SLC17A1: variants seen among roughly 807,000 people sequenced by gnomAD.
The protein encoded by SLC17A1 is solute carrier family 17 member 1.
Under a neutral mutation model 53.5 loss-of-function variants are expected in SLC17A1, and 51 were observed. The observed-to-expected ratio is 0.95, with a 90% CI of 0.76 to 1.20. The LOEUF is 1.20. Ranked by LOEUF, SLC17A1 falls within the 50% of genes most tolerant of loss-of-function variation. The pLI is 0.00. For synonymous variants in SLC17A1, 179 were observed against 198.8 expected, an observed-to-expected ratio of 0.90 and a Z score of 0.84; for missense variants, 538 against 568.2, an observed-to-expected ratio of 0.95 and a Z score of 0.54.
Position 25,798,829 on chromosome 6 carries a change from C to T in SLC17A1, c.1360G>A (p.Glu454Lys). 3 of 1,610,424 alleles carry T rather than the reference C, an allele frequency of 1.9e-6. No homozygotes were observed. The highest frequency in any genetic ancestry group is 2.5e-6 in the Non-Finnish European group (3 of 1,177,656). The change falls in exon 12 of 13, where the codon GAA (glutamate) becomes AAA (lysine). Residue 454 changes from glutamate (E) to lysine (K), a missense_variant. By Grantham distance (56) the Glu-to-Lys change is moderately conservative. Coordinates refer to ENST00000244527, the MANE Select transcript of SLC17A1 (RefSeq NM_005074.5). ...LIFYLIVATAEIQDWAKEKQH... is the reference protein window; with the variant it reads ...LIFYLIVATAKIQDWAKEKQH... The stretch of plus-strand genomic sequence containing the variant: ...TTTTCTTTAGCCCAGTCCTGAATTT[C>T]TGCTGTAGCAACTATAAGGTAGAAA...
At chr6:25,744,997 CAT>C in the SLC17A1 span, among the ~76,000 whole-genome samples, 40,910 of 151,760 alleles carry the variant, frequency 0.27, 6,645 homozygotes, top group East Asian at 0.68. Context: ...CATTTTCCTT[CAT>C]TTTTTTTTTG....
the SLC17A1 span, among the ~76,000 whole-genome samples, chr6:25,744,067 G>C: frequency 6.6e-6 from 1 of 152,202 alleles, no homozygotes; most frequent in Non-Finnish European, 1.5e-5. Context: ...GGTGTGGCCA[G>C]CCATGGCTTC....
chr6:25,816,655 T>C (rs1487013270), intron 6 of SLC17A1, among the ~76,000 whole-genome samples: 2 of 152,230 alleles, frequency 1.3e-5, no homozygotes, highest in African/African-American at 4.8e-5. Context: ...ACTAGTCAGA[T>C]GTGAGTTAAG....
chr6:25,726,417 C>G, the SLC17A1 span: 1 of 1,614,152 alleles, frequency 6.2e-7, no homozygotes, highest in South Asian at 1.1e-5. Flanking sequence ...CATAGTTTCC[C>G]TTACGAAGCA....
downstream of SLC17A1, chr6:25,779,227 A>C (rs1403886006): frequency 1.2e-6 from 2 of 1,608,836 alleles, no homozygotes; most frequent in East Asian, 4.5e-5. Flanking sequence ...TGCTTAGTTC[A>C]TCATTGTTTT....
the SLC17A1 span, chr6:25,732,010 C>G: frequency 6.5e-7 from 1 of 1,542,160 alleles, no homozygotes; most frequent in East Asian, 2.3e-5. Context: ...ATTCCAGTGT[C>G]CGCGTGGACC....
chr6:25,759,012 G>C, the SLC17A1 span, among the ~76,000 whole-genome samples: 3 of 152,134 alleles, frequency 2.0e-5, no homozygotes, highest in East Asian at 5.8e-4. Context: ...TTGTCGTTCA[G>C]TTCAAAGAAT....
the SLC17A1 span, among the ~76,000 whole-genome samples, chr6:25,753,438 A>G: frequency 2.0e-5 from 3 of 152,184 alleles, no homozygotes; most frequent in South Asian, 2.1e-4. Flanking sequence ...GATCATATGT[A>G]CATTTCCAAC....
downstream of SLC17A1, chr6:25,780,945 C>A (rs78786104): frequency 2.6e-5 from 4 of 152,186 alleles, no homozygotes; most frequent in Non-Finnish European, 4.4e-5. Flanking sequence ...ACACAGATAG[C>A]AATTATATCC....
chr6:25,726,461 C>G, the SLC17A1 span: 1 of 1,613,952 alleles, frequency 6.2e-7, no homozygotes, highest in South Asian at 1.1e-5. Flanking sequence ...AACTGCAAAC[C>G]CGCTCTAGAA....
intron 12 of SLC17A1, among the ~76,000 whole-genome samples, chr6:25,786,539 G>A (rs1763386485): frequency 6.6e-6 from 1 of 152,172 alleles, no homozygotes; most frequent in African/African-American, 2.4e-5. Flanking sequence ...ACCTAGAAGG[G>A]AGAAGGGATA....
At chr6:25,779,369 G>C, downstream of SLC17A1, 1 of 701,686 alleles carries the variant, frequency 1.4e-6, no homozygotes, top group Non-Finnish European at 2.3e-6. Context: ...TTATTTAACT[G>C]CAAGCTACTA....
chr6:25,769,340 G>T, the SLC17A1 span: 1 of 762,050 alleles, frequency 1.3e-6, no homozygotes, highest in Non-Finnish European at 2.1e-6. Flanking sequence ...ATCAGGCCGA[G>T]CATGGTGGCT....
At chr6:25,733,806 ATGTGTGTG>A in the SLC17A1 span, among the ~76,000 whole-genome samples, 16,917 of 133,892 alleles carry the variant, frequency 0.13, 1,010 homozygotes, top group Middle Eastern at 0.22. Flanking sequence ...GTGTGTGTGT[ATGTGTGTG>A]TGTGTGTGTG....
At chr6:25,831,422 A>G (rs1764944755) in intron 1 of SLC17A1, among the ~76,000 whole-genome samples, 1 of 152,148 alleles carries the variant, frequency 6.6e-6, no homozygotes, top group South Asian at 2.1e-4. Context: ...ACACATTGGA[A>G]CCTCTTCTGG....
chr6:25,769,342 A>G, the SLC17A1 span: 2 of 753,140 alleles, frequency 2.7e-6, no homozygotes, highest in Non-Finnish European at 4.2e-6. Flanking sequence ...CAGGCCGAGC[A>G]TGGTGGCTCA....
chr6:25,813,071 C>G, intron 7 of SLC17A1, 24 bp downstream of exon 7: 1 of 1,610,986 alleles, frequency 6.2e-7, no homozygotes, highest in Non-Finnish European at 8.5e-7. Context: ...CTGGGAGATG[C>G]CAATATGGAG....
At chr6:25,829,323 T>C (rs1032259215) in intron 2 of SLC17A1, among the ~76,000 whole-genome samples, 1 of 152,132 alleles carries the variant, frequency 6.6e-6, no homozygotes, top group Non-Finnish European at 1.5e-5. Context: ...ATCTTGTCAG[T>C]GGACTGCCAA....
chr6:25,798,841 C>T lies in SLC17A1; in HGVS notation c.1348G>A (p.Val450Ile). 1 of 1,611,030 alleles carries T rather than the reference C, an allele frequency of 6.2e-7. No homozygotes were observed. The highest frequency in any genetic ancestry group is 8.5e-7 in the Non-Finnish European group (1 of 1,178,024). ...NVTGLIFYLI[V>I]ATAEIQDWAK... ...CAGTCCTGAATTTCTGCTGTAGCAA[C>T]TATAAGGTAGAAAATTAGGCCAGTC... The change falls in exon 12 of 13, where the codon GTT becomes ATT. Residue 450 changes from valine (V) to isoleucine (I), a missense_variant. By Grantham distance (29) the Val-to-Ile change is conservative. Coordinates refer to ENST00000244527, the MANE Select transcript of SLC17A1 (RefSeq NM_005074.5).
Sources: gnomAD v4.1 joint callset for allele counts (sites outside exome capture counted in the v4.1 genomes callset) on GRCh38, gnomAD v4.1.1 for gene constraint, MANE v1.5 for transcripts, NCBI Gene and HGNC (gene_info 2026-07-23, HGNC 2026-07-21) for gene names.